The following ST6GAL2 variants were observed in gnomAD, a reference collection of about 807,000 sequenced individuals.
ST6GAL2 encodes ST6 beta-galactoside alpha-2,6-sialyltransferase 2.
In ST6GAL2, 24 loss-of-function variants were observed where a neutral mutation model predicts 37.5. That is an observed-to-expected ratio of 0.64 (90% CI 0.46 to 0.90). The LOEUF (loss-of-function observed/expected upper bound fraction) is 0.90. Ranked by LOEUF, ST6GAL2 falls within the 40% of genes least tolerant of loss-of-function variation. ST6GAL2 has a pLI of 0.00. For missense variants in ST6GAL2, 715 were observed against 712.7 expected, an observed-to-expected ratio of 1.00 and a Z score of -0.04; for synonymous variants, 306 against 295.1, an observed-to-expected ratio of 1.04 and a Z score of -0.38.
At chr2:106,835,612 C>A (rs1676603554) in intron 2 of ST6GAL2, among the ~76,000 whole-genome samples, 1 of 152,180 alleles carries the variant, frequency 6.6e-6, no homozygotes, top group African/African-American at 2.4e-5. Context: ...GACCTTCTGG[C>A]CAAATCTGAC....
intron 1 of ST6GAL2, among the ~76,000 whole-genome samples, chr2:106,875,889 G>T (rs1313638807): frequency 2.6e-5 from 4 of 152,162 alleles, no homozygotes; most frequent in Admixed American, 6.5e-5. Context: ...ATGTCCACTT[G>T]CAATATTAAA....
At chr2:106,839,632 T>A (rs910322851) in intron 2 of ST6GAL2, among the ~76,000 whole-genome samples, 3 of 152,152 alleles carry the variant, frequency 2.0e-5, no homozygotes, top group Non-Finnish European at 2.9e-5. Context: ...CACCAGTCTA[T>A]GCATCCCACC....
At chr2:106,834,505 A>G (rs1676553625) in intron 2 of ST6GAL2, 3 of 169,310 alleles carry the variant, frequency 1.8e-5, no homozygotes, top group South Asian at 3.1e-4. Context: ...ACTGGAGCAG[A>G]TAAAGACACT....
At chr2:106,881,181 G>GA (rs879795497) in intron 1 of ST6GAL2, among the ~76,000 whole-genome samples, 9 of 151,922 alleles carry the variant, frequency 5.9e-5, no homozygotes, top group Non-Finnish European at 1.3e-4. Context: ...TAGTTATGGG[G>GA]GTCTTGTTAT....
chr2:106,850,764 C>T (rs767187967), intron 1 of ST6GAL2, among the ~76,000 whole-genome samples: 19 of 152,122 alleles, frequency 1.2e-4, no homozygotes, highest in Non-Finnish European at 2.2e-4. Context: ...TAGGAAGGCT[C>T]GGCTAAGCAA....
At chr2:106,885,289 C>T (rs34209723) in intron 1 of ST6GAL2, among the ~76,000 whole-genome samples, 7,567 of 151,946 alleles carry the variant, frequency 0.05, 245 homozygotes, top group Non-Finnish European at 0.075. Context: ...CCAAATTTTT[C>T]GCATGTCCAA....
At chr2:106,871,138 T>C (rs1363626776) in intron 1 of ST6GAL2, among the ~76,000 whole-genome samples, 3 of 152,220 alleles carry the variant, frequency 2.0e-5, no homozygotes, top group Non-Finnish European at 4.4e-5. Context: ...CTGTACTGCA[T>C]ACTAGGCAAT....
chr2:106,858,658 C>A (rs1272470905), intron 1 of ST6GAL2, among the ~76,000 whole-genome samples: 1 of 152,154 alleles, frequency 6.6e-6, no homozygotes, highest in Admixed American at 6.5e-5. Flanking sequence ...TAGATACCAG[C>A]AAGCGTCTCC....
At chr2:106,848,499 T>C (rs1573270944) in intron 1 of ST6GAL2, among the ~76,000 whole-genome samples, 2 of 152,140 alleles carry the variant, frequency 1.3e-5, no homozygotes, top group South Asian at 4.1e-4. Flanking sequence ...GAGGCAAAGA[T>C]GAGATGTGTG....
chr2:106,850,793 C>T (rs1281216496), intron 1 of ST6GAL2, among the ~76,000 whole-genome samples: 3 of 152,156 alleles, frequency 2.0e-5, no homozygotes, highest in Non-Finnish European at 4.4e-5. Flanking sequence ...ACATCTTTTC[C>T]TCTGATATAG....
intron 2 of ST6GAL2, among the ~76,000 whole-genome samples, chr2:106,839,443 A>G (rs1347627752): frequency 6.6e-6 from 1 of 152,096 alleles, no homozygotes; most frequent in African/African-American, 2.4e-5. Context: ...TCTGTTTACC[A>G]CTGAAGTGTG....
rs141202171 is a variant in ST6GAL2 at position 106,818,621 on chromosome 2, A to C, written c.1318+11445T>G. 6.6e-4 allele frequency among the ~76,000 whole-genome samples: 100 copies of C among 152,316 alleles called. No individual in the cohort carries two copies. In the East Asian group the frequency reaches 0.019, roughly 29 times the overall value. ...TAGAAAGCCTTCTCAAAAAGGTTAG[A>C]TACAAACAAGCCCAGACTGTGAAGA... On this transcript the variant is annotated intron_variant, in intron 5 of 5. Coordinates refer to ENST00000409382, the MANE Select transcript of ST6GAL2 (RefSeq NM_001142351.2).
Position 106,830,196 on chromosome 2 carries a change from C to G in ST6GAL2, c.1188G>C (p.Gln396His). Residue 396 changes from glutamine (Q) to histidine (H), a missense_variant, in exon 5 of 6, where the codon CAG becomes CAC. This residue lies in a region of ST6GAL2 where 198 missense variants were observed against 203.6 expected (regional missense o/e 0.97). Coordinates refer to ENST00000409382, the MANE Select transcript of ST6GAL2 (RefSeq NM_001142351.2). ...GCTGATTTGGGTTTCTCTGACGATG[C>G]TGAATATATGGAGTGAACAGGTTGT... ...PDYNLFTPYIQHRQRNPNQPF... is the reference protein window; with the variant it reads ...PDYNLFTPYIHHRQRNPNQPF... 6.2e-7 allele frequency: 1 copy of G among 1,613,516 alleles called. No homozygotes were observed. The highest frequency in any genetic ancestry group is 8.5e-7 in the Non-Finnish European group (1 of 1,180,006).
chr2:106,856,187 G>C (rs1677567364), intron 1 of ST6GAL2, among the ~76,000 whole-genome samples: 1 of 152,210 alleles, frequency 6.6e-6, no homozygotes, highest in Non-Finnish European at 1.5e-5. Context: ...AAAAATCCCA[G>C]CTCTGCTGTG....
intron 2 of ST6GAL2, among the ~76,000 whole-genome samples, chr2:106,836,673 A>T (rs2104490681): frequency 6.6e-6 from 1 of 151,150 alleles, no homozygotes; most frequent in East Asian, 1.9e-4. Flanking sequence ...CAGGCCTGTA[A>T]TCCCAACACT....
intron 1 of ST6GAL2, 143 bp from the exon 2 acceptor site, chr2:106,844,177 T>C (rs949837547): frequency 1.8e-5 from 9 of 495,144 alleles, no homozygotes; most frequent in African/African-American, 1.7e-4. Context: ...ATCCAGGAGT[T>C]TTAGCTAAAT....
intron 5 of ST6GAL2, among the ~76,000 whole-genome samples, chr2:106,819,746 G>T (rs772383753): frequency 9.9e-5 from 15 of 151,758 alleles, no homozygotes; most frequent in Admixed American, 3.3e-4. Context: ...ATCTTGAGTA[G>T]AAAGACTGAA....
At chr2:106,863,216 C>T (rs1206032861) in intron 1 of ST6GAL2, among the ~76,000 whole-genome samples, 1 of 152,130 alleles carries the variant, frequency 6.6e-6, no homozygotes, top group Non-Finnish European at 1.5e-5. Context: ...TTGCCTGGCT[C>T]ACGTTTGCTC....
intron 5 of ST6GAL2, among the ~76,000 whole-genome samples, chr2:106,826,933 C>T (rs1045455969): frequency 3.3e-5 from 5 of 152,154 alleles, no homozygotes; most frequent in African/African-American, 4.8e-5. Flanking sequence ...TCAGAACAAT[C>T]GGAGGCCAGG....
Sources: allele counts gnomAD v4.1 joint callset (sites outside exome capture counted in the v4.1 genomes callset), GRCh38; gene constraint gnomAD v4.1.1; regional missense constraint gnomAD v4.1.1; transcripts MANE v1.5; gene names NCBI Gene and HGNC (gene_info 2026-07-23, HGNC 2026-07-21).